GLIPR1L2: variants seen among roughly 807,000 people sequenced by gnomAD.
GLIPR1L2 encodes GLIPR1 like 2.
GLIPR1L2 carries 21 observed loss-of-function variants against 28.4 expected under a neutral mutation model. That is an observed-to-expected ratio of 0.74 (90% confidence interval 0.52 to 1.06). GLIPR1L2 has a LOEUF of 1.06. GLIPR1L2 is among the 50% of genes least tolerant of loss of function. The probability of loss-of-function intolerance (pLI) is 0.00; values close to 1 mark genes in which losing one functional copy is unlikely to be tolerated. For synonymous variants in GLIPR1L2, 145 were observed against 139.3 expected (o/e 1.04, Z -0.29); for missense variants, 476 against 416.9 (o/e 1.14, Z -1.23).
At chr12:75,415,780 A>C (rs535400874) in intron 3 of GLIPR1L2, among the ~76,000 whole-genome samples, 1 of 152,096 alleles carries the variant, frequency 6.6e-6, no homozygotes, top group African/African-American at 2.4e-5. Flanking sequence ...ACCATCTTCA[A>C]GTCAGCCAAG....
intron 1 of GLIPR1L2, among the ~76,000 whole-genome samples, chr12:75,407,271 T>C (rs1219751922): frequency 6.6e-6 from 1 of 152,132 alleles, no homozygotes; most frequent in African/African-American, 2.4e-5. Context: ...TTAACAAGTG[T>C]CATGAATATT....
intron 3 of GLIPR1L2, among the ~76,000 whole-genome samples, chr12:75,419,957 C>G (rs1442202907): frequency 6.6e-6 from 1 of 152,190 alleles, no homozygotes; most frequent in East Asian, 1.9e-4. Flanking sequence ...CTGCTGCCTA[C>G]ACTGTATTTC....
Position 75,391,281 on chromosome 12 carries a change from C to T in GLIPR1L2, c.165C>T (p.Asn55=). 1 of 1,614,216 alleles carries T rather than the reference C, an allele frequency of 6.2e-7. No homozygotes were observed. The highest frequency in any genetic ancestry group is 8.5e-7 in the Non-Finnish European group (1 of 1,180,028). ...LPDEEDVDFI[N]EYVNLHNELR... ...ACGAGGAGGACGTAGACTTTATCAA[C>T]GAGTACGTGAACCTCCACAATGAGC... Residue 55 remains asparagine, a synonymous_variant, in exon 1 of 6, where the codon AAC becomes AAT. Transcript: ENST00000550916.
At chr12:75,404,265 G>A (rs1457252113) in intron 1 of GLIPR1L2, among the ~76,000 whole-genome samples, 3 of 152,006 alleles carry the variant, frequency 2.0e-5, no homozygotes, top group Non-Finnish European at 2.9e-5. Context: ...CCTTGAGATC[G>A]TATTACAAAT....
chr12:75,408,277 A>G (rs1012939488), intron 1 of GLIPR1L2, among the ~76,000 whole-genome samples: 5 of 152,044 alleles, frequency 3.3e-5, no homozygotes, highest in African/African-American at 1.2e-4. Flanking sequence ...TTATTTGCAC[A>G]TAGTCATGAG....
chr12:75,420,874 C>A (rs1317466726), intron 3 of GLIPR1L2, among the ~76,000 whole-genome samples: 1 of 152,110 alleles, frequency 6.6e-6, no homozygotes, highest in African/African-American at 2.4e-5. Context: ...AAAGAGGGGA[C>A]TCATTGTAGT....
chr12:75,397,992 G>A (rs1158165141), intron 1 of GLIPR1L2, among the ~76,000 whole-genome samples: 2 of 149,410 alleles, frequency 1.3e-5, no homozygotes, highest in East Asian at 4.0e-4. Flanking sequence ...TGGCACCTGA[G>A]TATTACCTTT....
chr12:75,405,164 GA>G (rs1232971411), intron 1 of GLIPR1L2, among the ~76,000 whole-genome samples: 2 of 152,096 alleles, frequency 1.3e-5, no homozygotes, highest in African/African-American at 4.8e-5. Context: ...AGGAATGTAG[GA>G]TATGTTTTTG....
At chr12:75,391,906 T>C (rs2045612088) in intron 1 of GLIPR1L2, among the ~76,000 whole-genome samples, 1 of 152,038 alleles carries the variant, frequency 6.6e-6, no homozygotes, top group African/African-American at 2.4e-5. Flanking sequence ...ATTCCAAATT[T>C]GGCTCCTAAG....
chr12:75,429,517 G>T (rs745834859), intron 4 of GLIPR1L2, among the ~76,000 whole-genome samples: 1 of 152,174 alleles, frequency 6.6e-6, no homozygotes, highest in Non-Finnish European at 1.5e-5. Flanking sequence ...ACTTTTGGGT[G>T]AATGCTGGAA....
chr12:75,423,163 G>A (rs1314269209), intron 4 of GLIPR1L2, 174 bp downstream of exon 4: 3 of 1,470,258 alleles, frequency 2.0e-6, no homozygotes, highest in Non-Finnish European at 2.7e-6. Context: ...TTTCTAAACT[G>A]CAGAGCTTTT....
At chr12:75,427,552 T>C (rs1432537915) in intron 4 of GLIPR1L2, among the ~76,000 whole-genome samples, 1 of 152,244 alleles carries the variant, frequency 6.6e-6, no homozygotes, top group Non-Finnish European at 1.5e-5. Context: ...TCTTTGTTGC[T>C]ATTGGGTTCT....
chr12:75,429,333 C>A (rs1429685416), intron 4 of GLIPR1L2, among the ~76,000 whole-genome samples: 1 of 152,218 alleles, frequency 6.6e-6, no homozygotes, highest in Non-Finnish European at 1.5e-5. Flanking sequence ...GGGTTTTGAA[C>A]TTGCATGGGG....
chr12:75,410,723 T>C, intron 2 of GLIPR1L2, 44 bp downstream of exon 2: 1 of 1,382,396 alleles, frequency 7.2e-7, no homozygotes, highest in Non-Finnish European at 9.9e-7. Context: ...ACTTCTTAAT[T>C]GATTTATGCC....
At chr12:75,427,534 G>A (rs1199077129) in intron 4 of GLIPR1L2, among the ~76,000 whole-genome samples, 1 of 152,174 alleles carries the variant, frequency 6.6e-6, no homozygotes, top group African/African-American at 2.4e-5. Context: ...ATTACTGCAA[G>A]ACAAAGTTCT....
Position 75,422,923 on chromosome 12 carries a change from C to A in GLIPR1L2, c.604C>A (p.Pro202Thr). 6.2e-7 allele frequency: 1 copy of A among 1,611,004 alleles called. No homozygotes were observed. Among genetic ancestry groups the A allele is most frequent in the Non-Finnish European group, 8.5e-7 (1 of 1,179,102 alleles). The change falls in exon 4 of 6, where the codon CCT becomes ACT. Residue 202 changes from proline to threonine, a missense_variant. Pro to Thr is a conservative substitution (Grantham distance 38). Transcript: ENST00000550916. ...TTGTAGAGGAACACTGACGAGAAGA[C>A]CTTATGAACCAGGAATATTTTGTAC... ...YAPGGTLTRR[P>T]YEPGIFCTRC...
chr12:75,404,192 CTATA>C (rs1259952688), intron 1 of GLIPR1L2, among the ~76,000 whole-genome samples: 1 of 152,000 alleles, frequency 6.6e-6, no homozygotes, highest in Non-Finnish European at 1.5e-5. Context: ...TATAAGATCT[CTATA>C]TATGTCTCTC....
At chr12:75,406,581 A>C (rs2045802344) in intron 1 of GLIPR1L2, among the ~76,000 whole-genome samples, 1 of 151,844 alleles carries the variant, frequency 6.6e-6, no homozygotes, top group Admixed American at 6.6e-5. Context: ...ATATGGTGAC[A>C]CCCTGTCTCT....
chr12:75,431,563 C>G lies in GLIPR1L2; in HGVS notation c.*402C>G, dbSNP rs778252942. ...AAGATCATTCCAAGTTCATAACAACCATTGAATAAAATTTGTATTTTTTTG... is the reference window on the plus strand; with the variant it reads ...AAGATCATTCCAAGTTCATAACAACGATTGAATAAAATTTGTATTTTTTTG... On this transcript the variant is annotated 3_prime_UTR_variant, in exon 6 of 6. Transcript: ENST00000550916. 6 of 157,564 alleles carry G rather than the reference C, an allele frequency of 3.8e-5. No individual in the cohort carries two copies. The highest frequency in any genetic ancestry group is 2.0e-4 in the South Asian group (1 of 5,006). The allele number at this position is 157,564 out of a possible 1,614,324, so 9.8% of individuals were successfully genotyped here. A position where few individuals can be genotyped will look rare whatever the true frequency, so the allele number is the denominator to read the frequency against.
Sources: gnomAD v4.1 joint callset for allele counts (sites outside exome capture counted in the v4.1 genomes callset) on GRCh38, gnomAD v4.1.1 for gene constraint, MANE v1.5 for transcripts, NCBI Gene and HGNC (gene_info 2026-07-23, HGNC 2026-07-21) for gene names.